ATF6: variants seen among roughly 807,000 people sequenced by gnomAD.
ATF6 encodes the protein cyclic AMP-dependent transcription factor ATF-6 alpha.
A neutral mutation model predicts 83.6 loss-of-function variants in ATF6; 53 were observed. The observed-to-expected ratio is 0.63, with a 90% CI of 0.51 to 0.80. ATF6 has a LOEUF of 0.80. Ranked by LOEUF, ATF6 falls within the 30% of genes least tolerant of loss-of-function variation. The pLI, the probability that ATF6 is intolerant of heterozygous loss-of-function variation, is 0.00. For missense variants in ATF6, 744 were observed against 797.9 expected, an observed-to-expected ratio of 0.93 and a Z score of 0.81; for synonymous variants, 288 against 285.8, an observed-to-expected ratio of 1.01 and a Z score of -0.08.
At chr1:161,850,397 C>T (rs1686592563) in intron 10 of ATF6, among the ~76,000 whole-genome samples, 1 of 152,068 alleles carries the variant, frequency 6.6e-6, no homozygotes, top group Non-Finnish European at 1.5e-5. Context: ...ACCCCAGTTT[C>T]TATAGAGGCG....
intron 7 of ATF6, among the ~76,000 whole-genome samples, chr1:161,803,930 G>A (rs1685216491): frequency 6.6e-6 from 1 of 151,572 alleles, no homozygotes; most frequent in Non-Finnish European, 1.5e-5. Flanking sequence ...ACATGCTGGT[G>A]CGCTGCACCC....
intron 14 of ATF6, among the ~76,000 whole-genome samples, chr1:161,886,223 GCAGGGTC>G (rs1170857753): frequency 6.6e-6 from 1 of 152,124 alleles, no homozygotes; most frequent in East Asian, 1.9e-4. Flanking sequence ...ATAAAAGATG[GCAGGGTC>G]CAGATCATGA....
intron 13 of ATF6, among the ~76,000 whole-genome samples, chr1:161,860,534 T>C (rs1686861391): frequency 6.6e-6 from 1 of 151,842 alleles, no homozygotes. Flanking sequence ...TGCTGTTCCA[T>C]CATAATTTTG....
intron 14 of ATF6, among the ~76,000 whole-genome samples, chr1:161,895,190 T>C (rs1264547732): frequency 6.6e-6 from 1 of 152,110 alleles, no homozygotes; most frequent in African/African-American, 2.4e-5. Flanking sequence ...TAAGCTGAGA[T>C]CATGCCACTG....
chr1:161,911,325 GGAA>G (rs1400559784), intron 14 of ATF6, among the ~76,000 whole-genome samples: 1 of 152,068 alleles, frequency 6.6e-6, no homozygotes, highest in African/African-American at 2.4e-5. Context: ...GTTTTTGCTA[GGAA>G]GAAGAGGAGT....
chr1:161,851,233 A>AACACACACACACACACACACACAC (rs60202873), intron 10 of ATF6, among the ~76,000 whole-genome samples: 1 of 75,402 alleles, frequency 1.3e-5, no homozygotes, highest in African/African-American at 3.3e-5. Flanking sequence ...CCCTATCCTT[A>AACACACACACACACACACACACAC]ACACACACAC....
At chr1:161,938,119 G>T (rs566666885) in intron 15 of ATF6, among the ~76,000 whole-genome samples, 1 of 152,200 alleles carries the variant, frequency 6.6e-6, no homozygotes, top group African/African-American at 2.4e-5. Context: ...CCCTGAACAT[G>T]CCAGGCATAC....
intron 4 of ATF6, among the ~76,000 whole-genome samples, chr1:161,784,598 A>G (rs1684705042): frequency 6.6e-6 from 1 of 152,192 alleles, no homozygotes; most frequent in African/African-American, 2.4e-5. Flanking sequence ...TGTCCAGACA[A>G]AAGCCCTGAG....
intron 7 of ATF6, among the ~76,000 whole-genome samples, chr1:161,803,120 T>C (rs1685195254): frequency 6.6e-6 from 1 of 152,216 alleles, no homozygotes; most frequent in Non-Finnish European, 1.5e-5. Flanking sequence ...TTAGGTAGAA[T>C]GCATTTGAAA....
chr1:161,797,739 A>C (rs1471571198), intron 6 of ATF6, among the ~76,000 whole-genome samples: 1 of 152,214 alleles, frequency 6.6e-6, no homozygotes, highest in East Asian at 1.9e-4. Context: ...AAATGGCCAT[A>C]CTGCTCAAAG....
chr1:161,920,255 A>G (rs1363729101), intron 15 of ATF6, among the ~76,000 whole-genome samples: 4 of 149,574 alleles, frequency 2.7e-5, no homozygotes, highest in Non-Finnish European at 5.9e-5. Flanking sequence ...TAATTTTTAA[A>G]AAATACATAA....
intron 6 of ATF6, among the ~76,000 whole-genome samples, chr1:161,801,267 T>C (rs1036682011): frequency 6.6e-6 from 1 of 151,986 alleles, no homozygotes; most frequent in African/African-American, 2.4e-5. Context: ...TGGTATCATC[T>C]ACAGACTATT....
rs554201384 is a variant in ATF6 at position 161,867,121 on chromosome 1, C to T, written c.1719+3809C>T. Among the ~76,000 whole-genome samples the T allele has an allele frequency of 1.7e-3, 259 of 152,092 alleles. 1 individual carries two copies. Among genetic ancestry groups the T allele is most frequent in the Non-Finnish European group, 2.1e-3 (143 of 67,980 alleles). On this transcript the variant is annotated intron_variant, in intron 14 of 15. Coordinates refer to ENST00000367942, the MANE Select transcript of ATF6 (RefSeq NM_007348.4). The stretch of plus-strand genomic sequence containing the variant: ...CATCCTGGCTAACACGGTGAAACCC[C>T]GTCTCTACTAAAAATACAAAAAAAT...
At chr1:161,858,662 A>G (rs1002451559) in intron 12 of ATF6, among the ~76,000 whole-genome samples, 2 of 152,224 alleles carry the variant, frequency 1.3e-5, no homozygotes, top group Non-Finnish European at 2.9e-5. Flanking sequence ...GATCTACAGC[A>G]TAACTGGAGA....
At chr1:161,865,267 C>T (rs902894196) in intron 14 of ATF6, among the ~76,000 whole-genome samples, 1 of 151,764 alleles carries the variant, frequency 6.6e-6, no homozygotes, top group Non-Finnish European at 1.5e-5. Context: ...TCAAGTGATT[C>T]TCTTGCCTCA....
At chr1:161,929,121 A>G (rs2101900836) in intron 15 of ATF6, among the ~76,000 whole-genome samples, 1 of 152,358 alleles carries the variant, frequency 6.6e-6, no homozygotes, top group Middle Eastern at 3.4e-3. Context: ...CTCCTGCCCC[A>G]GATAAACTAT....
At chr1:161,924,035 A>G (rs192053396) in intron 15 of ATF6, among the ~76,000 whole-genome samples, 58 of 152,254 alleles carry the variant, frequency 3.8e-4, no homozygotes, top group South Asian at 3.1e-3. Context: ...CTCCTAATGG[A>G]TTTATCTTTG....
At chr1:161,952,758 A>G (rs966260230) in intron 15 of ATF6, among the ~76,000 whole-genome samples, 5 of 152,208 alleles carry the variant, frequency 3.3e-5, no homozygotes, top group African/African-American at 9.6e-5. Flanking sequence ...GTCACTGTGA[A>G]TGTAACAAAT....
intron 9 of ATF6, among the ~76,000 whole-genome samples, chr1:161,833,947 A>G (rs973281950): frequency 2.0e-4 from 31 of 152,326 alleles, no homozygotes; most frequent in Middle Eastern, 3.4e-3. Context: ...TCCAAGCCAC[A>G]TAATTGTCAG....
Sources: gnomAD v4.1 joint callset for allele counts (sites outside exome capture counted in the v4.1 genomes callset) on GRCh38, gnomAD v4.1.1 for gene constraint, MANE v1.5 for transcripts, NCBI Gene and HGNC (gene_info 2026-07-23, HGNC 2026-07-21) for gene names.